CSF2RA: variants seen among roughly 807,000 people sequenced by gnomAD.
The protein encoded by CSF2RA is colony stimulating factor 2 receptor subunit alpha, also known as granulocyte-macrophage colony-stimulating factor receptor subunit alpha.
Under a neutral mutation model 51.6 loss-of-function variants are expected in CSF2RA, and 42 were observed. The ratio of observed to expected loss-of-function variants is 0.81; its 90% CI spans 0.64 to 1.05. CSF2RA has a LOEUF of 1.05. Among genes scored for constraint, CSF2RA ranks in the 50% least tolerant of loss-of-function variants. The pLI, the probability that CSF2RA is intolerant of heterozygous loss-of-function variation, is 0.00. For missense variants in CSF2RA, 530 were observed against 501.1 expected, an observed-to-expected ratio of 1.06 and a Z score of -0.55; for synonymous variants, 222 against 193.0, an observed-to-expected ratio of 1.15 and a Z score of -1.24.
chrX:1,323,828 C>G, the CSF2RA span, among the ~76,000 whole-genome samples: 1 of 151,834 alleles, frequency 6.6e-6, no homozygotes, highest in Non-Finnish European at 1.5e-5. Flanking sequence ...TCCTGGCTAA[C>G]ACGGTGAAAC....
In CSF2RA at chrX:1,305,444, A is replaced by G; in HGVS notation, c.1044-2A>G. The G allele has an allele frequency of 1.9e-6, 3 of 1,613,940 alleles. No homozygotes were observed. The highest frequency in any genetic ancestry group is 8.5e-7 in the Non-Finnish European group (1 of 1,179,864). On this transcript the variant is annotated splice_acceptor_variant, in intron 11 of 12. Transcript: ENST00000381529. LOFTEE classifies it high-confidence loss of function. ...TCTTCACACTTTTTCTCTGTGTCTC[A>G]GGTTCCTTAGGATACAGCGGCTGTT...
chrX:1,274,696 C>G (rs2088931462), intron 1 of CSF2RA, 59 bp from the exon 2 acceptor site: 4 of 451,754 alleles, frequency 8.9e-6, no homozygotes, highest in Middle Eastern at 6.9e-4. Context: ...TTGCCTAAGA[C>G]AGTTTCCACT....
At chrX:1,275,055 G>A (rs1446196528) in intron 2 of CSF2RA, among the ~76,000 whole-genome samples, 1 of 149,226 alleles carries the variant, frequency 6.7e-6, no homozygotes, top group Non-Finnish European at 1.5e-5. Flanking sequence ...TCCTCCTGAA[G>A]GGTCTCCAGG....
At chrX:1,279,653 G>T (rs1376968128) in intron 2 of CSF2RA, among the ~76,000 whole-genome samples, 1 of 152,046 alleles carries the variant, frequency 6.6e-6, no homozygotes, top group African/African-American at 2.4e-5. Context: ...TCCCTGTCAT[G>T]TGGGCTACAG....
intron 2 of CSF2RA, among the ~76,000 whole-genome samples, chrX:1,280,913 C>CCTCCTCCTCCTCCTGCTCCTT (rs2089872701): frequency 1.6e-5 from 2 of 123,594 alleles, no homozygotes; most frequent in Non-Finnish European, 3.4e-5. Context: ...TGCTCCTTCT[C>CCTCCTCCTCCTCCTGCTCCTT]CTCCTCCTCC....
At chrX:1,287,691 G>C (rs57249706) in intron 4 of CSF2RA, among the ~76,000 whole-genome samples, 1 of 130,192 alleles carries the variant, frequency 7.7e-6, no homozygotes, top group Admixed American at 7.6e-5. Flanking sequence ...TGATCCACCC[G>C]CCTCGGCCTC....
At chrX:1,299,030 G>A (rs2092198371) in intron 9 of CSF2RA, among the ~76,000 whole-genome samples, 1 of 152,176 alleles carries the variant, frequency 6.6e-6, no homozygotes, top group Non-Finnish European at 1.5e-5. Context: ...GGTGGACACG[G>A]TGGATCCTGA....
chrX:1,272,754 G>T (rs1394785351), intron 1 of CSF2RA, among the ~76,000 whole-genome samples: 3 of 150,592 alleles, frequency 2.0e-5, no homozygotes, highest in Non-Finnish European at 4.4e-5. Context: ...GCCTCCCAAA[G>T]TGCTGGGATT....
intron 10 of CSF2RA, chrX:1,303,392 T>C (rs1207403962): frequency 2.1e-5 from 9 of 435,296 alleles, no homozygotes; most frequent in African/African-American, 1.6e-4. Context: ...CCCACCACCA[T>C]GCCTGGCTAA....
intron 2 of CSF2RA, among the ~76,000 whole-genome samples, chrX:1,277,936 C>T (rs71216444): frequency 0.28 from 39,731 of 140,396 alleles, 6,856 homozygotes; most frequent in Non-Finnish European, 0.39. Flanking sequence ...GAGATGGCAC[C>T]ACTGCACTCC....
chrX:1,285,091 G>T (rs190130949), intron 3 of CSF2RA, among the ~76,000 whole-genome samples: 1 of 151,888 alleles, frequency 6.6e-6, no homozygotes, highest in African/African-American at 2.4e-5. Flanking sequence ...AAAGAGATGC[G>T]ATCTTGCTAT....
At chrX:1,300,393 A>G (rs1239651868) in intron 9 of CSF2RA, 98 bp from the exon 10 acceptor site, 1 of 1,420,356 alleles carries the variant, frequency 7.0e-7, no homozygotes, top group African/African-American at 1.4e-5. Flanking sequence ...GAAAAAAAGA[A>G]AAGGAGAAAA....
At position 1,273,849 on chromosome X, in the gene CSF2RA, C is replaced by T. The variant is rs779357488; in HGVS notation, c.-90-906C>T. Among the ~76,000 whole-genome samples the T allele has an allele frequency of 5.9e-5, 9 of 151,462 alleles. No individual in the cohort carries two copies. The South Asian group carries it at 1.0e-3, about 18-fold the overall frequency. On this transcript the variant is annotated intron_variant, in intron 1 of 12. Coordinates refer to ENST00000381529, the MANE Select transcript of CSF2RA (RefSeq NM_172245.4). ...TCCTGGCCTCATGATCTGCCCGCCT[C>T]GGCCTCCCGAAGTGCTGGGATGACA...
At chrX:1,314,415 T>C (rs373348817), downstream of CSF2RA, among the ~76,000 whole-genome samples, 2,472 of 27,962 alleles carry the variant, frequency 0.088, 25 homozygotes, top group African/African-American at 0.26. Flanking sequence ...TGCCTAACCG[T>C]ACTGCACCTG....
intron 12 of CSF2RA, among the ~76,000 whole-genome samples, chrX:1,308,959 G>C (rs1164202025): frequency 5.3e-5 from 8 of 152,186 alleles, no homozygotes; most frequent in Admixed American, 2.6e-4. Flanking sequence ...CAGGTGCAGT[G>C]GCTCATGCCT....
At position 1,290,380 on chromosome X, in the gene CSF2RA, G is replaced by A; in HGVS notation, c.517G>A (p.Gly173Arg). The A allele has an allele frequency of 1.2e-6, 2 of 1,613,782 alleles. No homozygotes were observed. The highest frequency in any genetic ancestry group is 1.7e-6 in the Non-Finnish European group (2 of 1,179,766). The change falls in exon 7 of 13, where the codon GGA becomes AGA. Residue 173 changes from glycine to arginine, a missense_variant. Coordinates refer to ENST00000381529, the MANE Select transcript of CSF2RA (RefSeq NM_172245.4). The stretch of plus-strand genomic sequence containing the variant: ...GTGTCCTTATTACATACAAGACTCA[G>A]GAACCCATGTGGGATGTCACCTGGA... ...IRCPYYIQDSGTHVGCHLDNL... is the reference protein window; with the variant it reads ...IRCPYYIQDSRTHVGCHLDNL...
rs746954154 is a variant in CSF2RA at position 1,293,376 on chromosome X, G to A, written c.647-952G>A. On this transcript the variant is annotated intron_variant, in intron 7 of 12. Transcript: ENST00000381529. ...TGGGACTACAGGCACCCGCCACCAC[G>A]CCCGGCTAATTTTTTTGGATTTTTA... Among the ~76,000 whole-genome samples, 1,119 of 152,092 alleles carry A rather than the reference G, an allele frequency of 7.4e-3. 16 individuals carry two copies. Among genetic ancestry groups the A allele is most frequent in the African/African-American group, 0.025 (1,056 of 41,466 alleles).
chrX:1,299,599 C>T (rs2052754241), intron 9 of CSF2RA, among the ~76,000 whole-genome samples: 2 of 151,292 alleles, frequency 1.3e-5, no homozygotes, highest in Non-Finnish European at 3.0e-5. Context: ...CACCCCCACA[C>T]CTGGCCAACA....
intron 1 of CSF2RA, among the ~76,000 whole-genome samples, 151 bp downstream of exon 1, chrX:1,269,030 A>G (rs1421345867): frequency 2.0e-5 from 3 of 152,180 alleles, no homozygotes; most frequent in African/African-American, 7.2e-5. Flanking sequence ...ACAGCGGCCC[A>G]GAAGACTGAG....
Sources: gnomAD v4.1 joint callset for allele counts (sites outside exome capture counted in the v4.1 genomes callset) on GRCh38, gnomAD v4.1.1 for gene constraint, MANE v1.5 for transcripts, NCBI Gene and HGNC (gene_info 2026-07-23, HGNC 2026-07-21) for gene names.